Variants in GRID2 observed in about 807,000 individuals in gnomAD.
The protein encoded by GRID2 is glutamate ionotropic receptor delta type subunit 2.
A neutral mutation model predicts 114.8 loss-of-function variants in GRID2; 33 were observed. The ratio of observed to expected loss-of-function variants is 0.29; its 90% CI spans 0.22 to 0.38. The LOEUF is 0.38. GRID2 is among the 10% of genes least tolerant of loss of function. The pLI, the probability that GRID2 is intolerant of heterozygous loss-of-function variation, is 1.00. For missense variants in GRID2, 1,184 were observed against 1,257.7 expected (o/e 0.94, Z 0.89); for synonymous variants, 505 against 449.9 (o/e 1.12, Z -1.55).
At chr4:92,827,101 T>C (rs1390509372) in intron 2 of GRID2, among the ~76,000 whole-genome samples, 1 of 152,124 alleles carries the variant, frequency 6.6e-6, no homozygotes, top group Non-Finnish European at 1.5e-5. Flanking sequence ...TTTCAATTCA[T>C]GTTTCTTAAC....
rs925127834 is a variant in GRID2, at chr4:93,095,683, A to G, written c.529+10404A>G. On this transcript the variant is annotated intron_variant, in intron 3 of 15. Transcript: ENST00000282020. ...TAAAACATAATATCAAATACCCAGAAATAAATCTGCAAAATTTTGCAAGAC... is the reference window on the plus strand; with the variant it reads ...TAAAACATAATATCAAATACCCAGAGATAAATCTGCAAAATTTTGCAAGAC... 2.0e-5 allele frequency among the ~76,000 whole-genome samples: 3 copies of G among 151,998 alleles called. No homozygotes were observed. In the South Asian group the frequency reaches 6.2e-4, roughly 31 times the overall value.
intron 7 of GRID2, among the ~76,000 whole-genome samples, chr4:93,237,106 G>C (rs886811800): frequency 1.3e-5 from 2 of 151,826 alleles, no homozygotes; most frequent in Non-Finnish European, 2.9e-5. Flanking sequence ...ACATCTAGTA[G>C]ATCCCGAAGC....
chr4:93,393,328 T>C (rs1994253), intron 8 of GRID2, among the ~76,000 whole-genome samples: 33,358 of 151,650 alleles, frequency 0.22, 5,481 homozygotes, highest in African/African-American at 0.46. Flanking sequence ...AATGCTGTTA[T>C]CAAAGGATGT....
chr4:93,165,775 G>A (rs1738192808), intron 4 of GRID2, among the ~76,000 whole-genome samples: 1 of 152,040 alleles, frequency 6.6e-6, no homozygotes, highest in Non-Finnish European at 1.5e-5. Context: ...TAAAAATACT[G>A]TGCAGACAGG....
Position 92,738,408 on chromosome 4 carries a change from G to T in GRID2, c.244+148122G>T, listed in dbSNP as rs529719203. On this transcript the variant is annotated intron_variant, in intron 2 of 15. Coordinates refer to ENST00000282020, the MANE Select transcript of GRID2 (RefSeq NM_001510.4). ...ATATTCAGAAATCACAAAAATTTAG[G>T]CTGTTTCCTTGGTTGTTGCAGTCCT... 9.9e-5 allele frequency among the ~76,000 whole-genome samples: 15 copies of T among 152,058 alleles called. No homozygotes were observed. In the South Asian group the frequency reaches 2.9e-3, roughly 29 times the overall value.
chr4:92,611,106 ATGTG>A (rs1243862291), intron 2 of GRID2, among the ~76,000 whole-genome samples: 5 of 135,722 alleles, frequency 3.7e-5, no homozygotes, highest in Non-Finnish European at 6.5e-5. Context: ...GTGTGTGTAT[ATGTG>A]TGTGTATGTG....
intron 5 of GRID2, among the ~76,000 whole-genome samples, chr4:93,211,039 C>A (rs1743407010): frequency 1.3e-5 from 2 of 152,034 alleles, no homozygotes; most frequent in South Asian, 4.1e-4. Flanking sequence ...TTAATCTGGA[C>A]AAATTAATGC....
At chr4:92,770,223 A>G (rs1428970488) in intron 2 of GRID2, among the ~76,000 whole-genome samples, 1 of 152,168 alleles carries the variant, frequency 6.6e-6, no homozygotes. Flanking sequence ...CATAAAGAGA[A>G]TCACCTTTGT....
At chr4:92,611,312 G>T (rs1459948973) in intron 2 of GRID2, among the ~76,000 whole-genome samples, 3 of 151,482 alleles carry the variant, frequency 2.0e-5, no homozygotes, top group Non-Finnish European at 3.0e-5. Context: ...TCTCCACTTA[G>T]GTTTCAGAGG....
chr4:92,782,571 C>T (rs1293834837), intron 2 of GRID2, among the ~76,000 whole-genome samples: 1 of 152,074 alleles, frequency 6.6e-6, no homozygotes, highest in Non-Finnish European at 1.5e-5. Context: ...AAATTTTACT[C>T]AAAGACTATA....
chr4:93,707,399 G>A (rs1314058408), intron 14 of GRID2, among the ~76,000 whole-genome samples: 1 of 151,942 alleles, frequency 6.6e-6, no homozygotes, highest in African/African-American at 2.4e-5. Context: ...ATCTATTCAG[G>A]TTTTGAATTT....
chr4:93,480,262 AC>A (rs1452292893), intron 11 of GRID2, among the ~76,000 whole-genome samples: 1 of 152,026 alleles, frequency 6.6e-6, no homozygotes, highest in Non-Finnish European at 1.5e-5. Flanking sequence ...CTGAAAAATC[AC>A]ATTAAAAATG....
chr4:93,103,840 G>T lies in GRID2; in HGVS notation c.530-6908G>T, dbSNP rs1213059851. On this transcript the variant is annotated intron_variant, in intron 3 of 15. Coordinates refer to ENST00000282020, the MANE Select transcript of GRID2 (RefSeq NM_001510.4). ...AGCATCAAGTGAGAGAAAATCCCTT[G>T]TTTTTTTTTTTTGTTTGTTTTTTTC... is the stretch of plus-strand genomic sequence containing the variant. 7.7e-5 allele frequency among the ~76,000 whole-genome samples: 11 copies of T among 142,454 alleles called. No individual in the cohort carries two copies. The East Asian group carries it at 1.4e-3, about 19-fold the overall frequency. 93.5% of individuals were successfully genotyped at this position (142,454 alleles called of 152,430 possible).
chr4:92,600,044 G>A (rs28638129), intron 2 of GRID2, among the ~76,000 whole-genome samples: 2,861 of 54,078 alleles, frequency 0.053, 110 homozygotes, highest in South Asian at 0.092. Context: ...GTGTGTGTGT[G>A]TATATATATA....
intron 1 of GRID2, among the ~76,000 whole-genome samples, chr4:93,799,360 A>G (rs981673456): frequency 3.9e-5 from 6 of 152,162 alleles, no homozygotes; most frequent in African/African-American, 1.4e-4. Context: ...TTGTAAAATG[A>G]GAGATTTGGA....
At chr4:93,145,489 T>G (rs1443947894) in intron 4 of GRID2, among the ~76,000 whole-genome samples, 9 of 136,728 alleles carry the variant, frequency 6.6e-5, no homozygotes, top group Non-Finnish European at 1.4e-4. Flanking sequence ...TTGAGACAGT[T>G]TCACTCTTGT....
chr4:92,748,667 A>ATTATTATTAT (rs1737279942), intron 2 of GRID2, among the ~76,000 whole-genome samples: 3 of 143,816 alleles, frequency 2.1e-5, no homozygotes, highest in Non-Finnish European at 4.5e-5. Flanking sequence ...TATTATTATT[A>ATTATTATTAT]TTATTATTAT....
intron 4 of GRID2, among the ~76,000 whole-genome samples, chr4:93,199,118 GT>G (rs1338921076): frequency 6.6e-6 from 1 of 152,080 alleles, no homozygotes; most frequent in Non-Finnish European, 1.5e-5. Flanking sequence ...GGGATGAGGG[GT>G]CCTTCAACAA....
At chr4:93,296,637 A>C (rs1241542875) in intron 8 of GRID2, among the ~76,000 whole-genome samples, 2 of 152,252 alleles carry the variant, frequency 1.3e-5, no homozygotes, top group East Asian at 3.9e-4. Flanking sequence ...CATATATTTC[A>C]CTCTCTGGCC....
Sources: allele counts gnomAD v4.1 joint callset (sites outside exome capture counted in the v4.1 genomes callset), GRCh38; gene constraint gnomAD v4.1.1; transcripts MANE v1.5; gene names NCBI Gene and HGNC (gene_info 2026-07-23, HGNC 2026-07-21).